The following HNRNPA3 variants were observed in gnomAD, a reference collection of about 807,000 sequenced individuals.
HNRNPA3 encodes heterogeneous nuclear ribonucleoprotein A3.
HNRNPA3 carries 3 observed loss-of-function variants against 45.8 expected under a neutral mutation model. The observed-to-expected ratio is 0.07, with a 90% CI of 0.03 to 0.17. The LOEUF (loss-of-function observed/expected upper bound fraction) is 0.17. HNRNPA3 is among the 10% of genes least tolerant of loss of function. The pLI, the probability that HNRNPA3 is intolerant of heterozygous loss-of-function variation, is 1.00. For missense variants in HNRNPA3, 183 were observed against 480.3 expected (o/e 0.38, Z 5.79); for synonymous variants, 170 against 155.6 (o/e 1.09, Z -0.69).
At chr2:177,217,418 T>G (rs567329826) in intron 7 of HNRNPA3, among the ~76,000 whole-genome samples, 73 of 152,250 alleles carry the variant, frequency 4.8e-4, no homozygotes, top group Middle Eastern at 3.4e-3. Flanking sequence ...AGGGGTTGCT[T>G]GAGGTGAGGA....
chr2:177,220,900 T>C (rs1457803968), downstream of HNRNPA3: 2 of 152,648 alleles, frequency 1.3e-5, no homozygotes, highest in Non-Finnish European at 2.9e-5. Flanking sequence ...GCCCTGAGTA[T>C]GTGCCCTGCT....
Position 177,215,955 on chromosome 2 carries a change from T to C in HNRNPA3, c.343-23T>C, listed in dbSNP as rs1231610930. 5.6e-6 allele frequency: 9 copies of C among 1,598,154 alleles called. No individual in the cohort carries two copies. In the East Asian group the frequency reaches 6.7e-5, roughly 12 times the overall value. On this transcript the variant is annotated intron_variant, in intron 3 of 10. Coordinates refer to ENST00000392524, the Ensembl canonical transcript of HNRNPA3. Reference sequence around the variant, plus strand: ...TTGTTGTGAAAGTTTGTTTCTTGACTTAATATATTACTTTATTTGTAGGAT... The same window carrying C: ...TTGTTGTGAAAGTTTGTTTCTTGACCTAATATATTACTTTATTTGTAGGAT...
chr2:177,220,777 G>A (rs1386713661), downstream of HNRNPA3: 2 of 152,566 alleles, frequency 1.3e-5, no homozygotes, highest in East Asian at 3.8e-4. Flanking sequence ...TTACCAATTT[G>A]TTTGGAAGGC....
chr2:177,214,708 T>C (rs1019266681), intron 1 of HNRNPA3, among the ~76,000 whole-genome samples: 6 of 152,076 alleles, frequency 3.9e-5, no homozygotes, highest in African/African-American at 1.4e-4. Context: ...GGCAGGAAAA[T>C]GGCGTGAACC....
intron 4 of HNRNPA3, 28 bp downstream of exon 4, chr2:177,216,216 T>A: frequency 7.1e-7 from 1 of 1,415,422 alleles, no homozygotes; most frequent in Non-Finnish European, 9.8e-7. Context: ...GTAACTTGAA[T>A]GAGAAAGTAG....
At chr2:177,218,052 CTTTTTTTTTTTTTT>C (rs58476089) in intron 8 of HNRNPA3, among the ~76,000 whole-genome samples, 4 of 102,184 alleles carry the variant, frequency 3.9e-5, no homozygotes, top group African/African-American at 4.0e-5. Context: ...TCTCTTTTTT[CTTTTTTTTTTTTTT>C]TTTTTTTTTT....
intron 1 of HNRNPA3, among the ~76,000 whole-genome samples, chr2:177,214,642 A>G (rs1688848931): frequency 6.6e-6 from 1 of 152,168 alleles, no homozygotes; most frequent in African/African-American, 2.4e-5. Context: ...AAAAATACAA[A>G]AAGTTAGCTG....
intron 1 of HNRNPA3, among the ~76,000 whole-genome samples, 159 bp downstream of exon 1, chr2:177,213,030 TG>T (rs1464403358): frequency 6.6e-6 from 1 of 151,762 alleles, no homozygotes; most frequent in African/African-American, 2.4e-5. Flanking sequence ...GAGACCTCCT[TG>T]GGGCCCCTCG....
rs58476089 is a variant in HNRNPA3, at chr2:177,218,052, C to CTTT, written c.961+232_961+234dup. Among the ~76,000 whole-genome samples the CTTT allele has an allele frequency of 2.0e-3, 200 of 102,162 alleles. 11 individuals are homozygous for CTTT. The highest frequency in any genetic ancestry group is 3.0e-3 in the Non-Finnish European group (152 of 51,384). The allele number at this position is 102,162 out of a possible 152,430, so 67.0% of individuals were successfully genotyped here. On this transcript the variant is annotated intron_variant, in intron 8 of 10. Transcript: ENST00000392524. ...ACAAATGTACTCAGCTCTCTTTTTT[C>CTTT]TTTTTTTTTTTTTTTTTTTTTTTTT...
At chr2:177,213,927 C>T (rs1688805080) in intron 1 of HNRNPA3, among the ~76,000 whole-genome samples, 1 of 152,158 alleles carries the variant, frequency 6.6e-6, no homozygotes, top group South Asian at 2.1e-4. Context: ...ATACATTTAT[C>T]CAAGACTTGA....
At chr2:177,221,037 C>T (rs1462029219), downstream of HNRNPA3, 1 of 152,602 alleles carries the variant, frequency 6.6e-6, no homozygotes, top group Non-Finnish European at 1.5e-5. Context: ...TGCTCTAATT[C>T]TGTGCCTCTG....
At chr2:177,221,565 G>C (rs1689188033), downstream of HNRNPA3, 1 of 152,612 alleles carries the variant, frequency 6.6e-6, no homozygotes. Context: ...TATGTGACCT[G>C]TTTATAAGTT....
chr2:177,221,716 T>C (rs1278671234), downstream of HNRNPA3: 2 of 152,612 alleles, frequency 1.3e-5, no homozygotes, highest in African/African-American at 4.8e-5. Context: ...TCAGCAGCCT[T>C]TTGTGTTTGG....
chr2:177,213,137 C>T (rs1016874887), intron 1 of HNRNPA3, among the ~76,000 whole-genome samples: 10 of 150,370 alleles, frequency 6.7e-5, no homozygotes, highest in South Asian at 2.1e-4. Context: ...GCCGGCTGCG[C>T]GGCCTCCGAA....
rs1372712373 is a variant in HNRNPA3, at chr2:177,217,893, A to G, written c.961+48A>G. 3 of 1,473,018 alleles carry G rather than the reference A, an allele frequency of 2.0e-6. No individual in the cohort carries two copies. In the African/African-American group the frequency reaches 4.3e-5, roughly 21 times the overall value. The allele number at this position is 1,473,018 out of a possible 1,614,324, so 91.2% of individuals were successfully genotyped here. On this transcript the variant is annotated intron_variant, in intron 8 of 10. Coordinates refer to ENST00000392524, the Ensembl canonical transcript of HNRNPA3. Reference sequence around the variant, plus strand: ...TAAATGTTAAATATTCAGTGTTGCTAACAGTTCCCATGACACATATTTGGA... The same window carrying G: ...TAAATGTTAAATATTCAGTGTTGCTGACAGTTCCCATGACACATATTTGGA...
At chr2:177,217,016 T>A in intron 7 of HNRNPA3, 76 bp downstream of exon 7, 1 of 1,327,336 alleles carries the variant, frequency 7.5e-7, no homozygotes, top group Non-Finnish European at 1.0e-6. Flanking sequence ...TACACTTTTC[T>A]AATTTTAGTT....
intron 4 of HNRNPA3, 78 bp downstream of exon 4, chr2:177,216,266 A>G (rs889233346): frequency 4.9e-6 from 5 of 1,017,942 alleles, no homozygotes; most frequent in Non-Finnish European, 2.9e-6. Flanking sequence ...GCTAAATTGT[A>G]ATTTTCTGTT....
chr2:177,217,714 A>C lies in HNRNPA3; in HGVS notation c.830A>C (p.Tyr277Ser). The C allele has an allele frequency of 1.9e-6, 3 of 1,612,686 alleles. No individual in the cohort carries two copies. ...TTTGTTGTTTTTTTAGGTGGCAACTATGGCGGTGGTCCTGGTTATAGTAGT... is the reference window on the plus strand; with the variant it reads ...TTTGTTGTTTTTTTAGGTGGCAACTCTGGCGGTGGTCCTGGTTATAGTAGT... Residue 277 changes from tyrosine to serine, a missense_variant, in exon 8 of 11, where the codon TAT becomes TCT. This residue lies in a region of HNRNPA3 where 123 missense variants were observed against 228.8 expected (regional missense o/e 0.54). Transcript: ENST00000392524.
At position 177,215,674 on chromosome 2, in the gene HNRNPA3, G is replaced by A; in HGVS notation, c.195+13G>A. On this transcript the variant is annotated intron_variant, in intron 2 of 10. Transcript: ENST00000392524. ...CACAGATTGTGTGGTAAGTTACTAAGAGAACAGAAGGGTTCTAAGGGGTGT... is the reference window on the plus strand; with the variant it reads ...CACAGATTGTGTGGTAAGTTACTAAAAGAACAGAAGGGTTCTAAGGGGTGT... The A allele has an allele frequency of 6.2e-7, 1 of 1,613,922 alleles. No homozygotes were observed. Among genetic ancestry groups the A allele is most frequent in the African/African-American group, 1.3e-5 (1 of 75,030 alleles).
Sources: allele counts gnomAD v4.1 joint callset (sites outside exome capture counted in the v4.1 genomes callset), GRCh38; gene constraint gnomAD v4.1.1; regional missense constraint gnomAD v4.1.1; transcripts MANE v1.5; gene names NCBI Gene and HGNC (gene_info 2026-07-23, HGNC 2026-07-21).